The following NXPE2 variants were observed in gnomAD, a reference collection of about 807,000 sequenced individuals.
NXPE2 encodes the protein NXPE family member 2.
Under a neutral mutation model 34.4 loss-of-function variants are expected in NXPE2, and 34 were observed. That is an observed-to-expected ratio of 0.99 (90% CI 0.75 to 1.31). The LOEUF (loss-of-function observed/expected upper bound fraction) is 1.31, where lower values mean the gene tolerates loss of function less well. Ranked by LOEUF, NXPE2 falls within the 40% of genes most tolerant of loss-of-function variation. The pLI is 0.00. For synonymous variants in NXPE2, 235 were observed against 231.3 expected (o/e 1.02, Z -0.15); for missense variants, 649 against 672.5 (o/e 0.97, Z 0.39).
At chr11:114,477,890 G>A in the NXPE2 span, among the ~76,000 whole-genome samples, 1 of 152,206 alleles carries the variant, frequency 6.6e-6, no homozygotes, top group Admixed American at 6.5e-5. Flanking sequence ...TAAAAAGGAC[G>A]AAGTTCTTGA....
At chr11:114,809,111 G>T in the NXPE2 span, among the ~76,000 whole-genome samples, 111 of 152,172 alleles carry the variant, frequency 7.3e-4, 1 homozygote, top group Non-Finnish European at 3.1e-4. Context: ...TATCTCAATA[G>T]ATGCAGAAAA....
At chr11:114,544,111 A>G in the NXPE2 span, among the ~76,000 whole-genome samples, 6 of 152,348 alleles carry the variant, frequency 3.9e-5, no homozygotes, top group East Asian at 3.8e-4. Context: ...GAGAGATTCC[A>G]TGTTCATGGA....
At chr11:114,684,199 G>A (rs545348699) in intron 2 of NXPE2, among the ~76,000 whole-genome samples, 14 of 152,146 alleles carry the variant, frequency 9.2e-5, no homozygotes, top group South Asian at 4.2e-4. Flanking sequence ...AGGCCGAGGC[G>A]GGCAGATCAC....
At chr11:114,725,976 A>AATTATATATATATATATATATATAT in the NXPE2 span, among the ~76,000 whole-genome samples, 1 of 101,766 alleles carries the variant, frequency 9.8e-6, no homozygotes, top group Non-Finnish European at 2.1e-5. Flanking sequence ...ATAAAAAAAA[A>AATTATATATATATATATATATATAT]ATATATATAT....
the NXPE2 span, among the ~76,000 whole-genome samples, chr11:114,589,368 C>G: frequency 1.3e-5 from 2 of 152,120 alleles, no homozygotes; most frequent in African/African-American, 4.8e-5. Flanking sequence ...CTTCTGGACA[C>G]CAGAGCCAGC....
At chr11:114,558,854 G>A in the NXPE2 span, among the ~76,000 whole-genome samples, 1 of 152,154 alleles carries the variant, frequency 6.6e-6, no homozygotes, top group Non-Finnish European at 1.5e-5. Flanking sequence ...TCTCAGTCAG[G>A]TCCATAAAGA....
the NXPE2 span, among the ~76,000 whole-genome samples, chr11:114,617,931 G>C: frequency 3.1e-4 from 47 of 152,030 alleles, 3 homozygotes; most frequent in East Asian, 8.8e-3. Flanking sequence ...GTAATCTGCT[G>C]CATAATAAGT....
chr11:114,471,675 C>T, the NXPE2 span, among the ~76,000 whole-genome samples: 1 of 152,182 alleles, frequency 6.6e-6, no homozygotes, highest in African/African-American at 2.4e-5. Context: ...AGAACAGCTG[C>T]TGCCAATGGT....
chr11:114,726,721 C>T, the NXPE2 span, among the ~76,000 whole-genome samples: 14 of 152,070 alleles, frequency 9.2e-5, no homozygotes, highest in Non-Finnish European at 1.9e-4. Flanking sequence ...TCTTTCAACA[C>T]TTTGCTTAGA....
chr11:114,579,630 C>T, the NXPE2 span, among the ~76,000 whole-genome samples: 2 of 152,150 alleles, frequency 1.3e-5, no homozygotes, highest in Admixed American at 1.3e-4. Flanking sequence ...ATTCTAAATG[C>T]ACTGTATGCA....
chr11:114,736,072 T>G, the NXPE2 span, among the ~76,000 whole-genome samples: 1 of 151,886 alleles, frequency 6.6e-6, no homozygotes, highest in Non-Finnish European at 1.5e-5. Flanking sequence ...GTCAGAGAGA[T>G]CACATACTTC....
At chr11:114,587,403 C>T in the NXPE2 span, among the ~76,000 whole-genome samples, 1 of 152,308 alleles carries the variant, frequency 6.6e-6, no homozygotes, top group South Asian at 2.1e-4. Flanking sequence ...AATTGTACAG[C>T]TCAAACCTGC....
chr11:114,615,548 T>G, the NXPE2 span, among the ~76,000 whole-genome samples: 1 of 151,948 alleles, frequency 6.6e-6, no homozygotes, highest in African/African-American at 2.4e-5. Context: ...CGGTGGATAA[T>G]AAGTGTTGCT....
the NXPE2 span, among the ~76,000 whole-genome samples, chr11:114,782,224 G>A: frequency 6.6e-6 from 1 of 152,174 alleles, no homozygotes; most frequent in Non-Finnish European, 1.5e-5. Flanking sequence ...TGAATCCATG[G>A]ATACCAAACC....
the NXPE2 span, among the ~76,000 whole-genome samples, chr11:114,586,550 C>T: frequency 6.6e-6 from 1 of 152,088 alleles, no homozygotes; most frequent in Non-Finnish European, 1.5e-5. Flanking sequence ...TTAGCTAATC[C>T]CCCCATGTCC....
chr11:114,631,236 C>T, the NXPE2 span, among the ~76,000 whole-genome samples: 86 of 151,512 alleles, frequency 5.7e-4, 2 homozygotes, highest in Middle Eastern at 6.8e-3. Flanking sequence ...ATGTTTATTG[C>T]GGCATTATTC....
the NXPE2 span, among the ~76,000 whole-genome samples, chr11:114,534,534 T>A: frequency 2.6e-5 from 4 of 151,976 alleles, no homozygotes; most frequent in African/African-American, 7.3e-5. Context: ...TTAAAAACTT[T>A]GAAAAAAAAT....
intron 2 of NXPE2, among the ~76,000 whole-genome samples, chr11:114,683,105 C>T (rs2135535027): frequency 6.6e-6 from 1 of 151,988 alleles, no homozygotes; most frequent in East Asian, 1.9e-4. Flanking sequence ...ATAGAAAGAC[C>T]ATTATAATTT....
the NXPE2 span, among the ~76,000 whole-genome samples, chr11:114,539,678 T>C: frequency 6.6e-6 from 1 of 152,154 alleles, no homozygotes; most frequent in Non-Finnish European, 1.5e-5. Flanking sequence ...TTTTAGGGAA[T>C]ATAATCATTT....
Sources: gnomAD v4.1 joint callset for allele counts (sites outside exome capture counted in the v4.1 genomes callset) on GRCh38, gnomAD v4.1.1 for gene constraint, MANE v1.5 for transcripts, NCBI Gene and HGNC (gene_info 2026-07-23, HGNC 2026-07-21) for gene names.